PRELID2: variants seen among roughly 807,000 people sequenced by gnomAD.
The protein encoded by PRELID2 is PRELI domain-containing protein 2.
PRELID2 carries 25 observed loss-of-function variants against 28.4 expected under a neutral mutation model. The ratio of observed to expected loss-of-function variants is 0.88; its 90% CI spans 0.64 to 1.23. The LOEUF is 1.23. Among genes scored for constraint, PRELID2 ranks in the 50% most tolerant of loss-of-function variants. The pLI is 0.00. For missense variants in PRELID2, 201 were observed against 214.4 expected, an observed-to-expected ratio of 0.94 and a Z score of 0.39; for synonymous variants, 76 against 71.6, an observed-to-expected ratio of 1.06 and a Z score of -0.31.
At chr5:145,401,167 AC>A in the PRELID2 span, among the ~76,000 whole-genome samples, 1 of 152,122 alleles carries the variant, frequency 6.6e-6, no homozygotes, top group Non-Finnish European at 1.5e-5. Flanking sequence ...AATTTCAAGG[AC>A]CTAAAAATGT....
intron 1 of PRELID2, among the ~76,000 whole-genome samples, chr5:145,572,571 A>G (rs1259867293): frequency 1.3e-5 from 2 of 152,188 alleles, no homozygotes; most frequent in Non-Finnish European, 2.9e-5. Flanking sequence ...GACATTTTTA[A>G]TTGATACAAA....
At chr5:145,548,712 T>G (rs1752807675) in intron 1 of PRELID2, among the ~76,000 whole-genome samples, 1 of 152,198 alleles carries the variant, frequency 6.6e-6, no homozygotes, top group African/African-American at 2.4e-5. Context: ...TGATTGCATC[T>G]GAGCTCTTGC....
At chr5:145,233,017 A>G in the PRELID2 span, among the ~76,000 whole-genome samples, 1 of 151,888 alleles carries the variant, frequency 6.6e-6, no homozygotes, top group Non-Finnish European at 1.5e-5. Context: ...ATATACATAT[A>G]TAGATATTTA....
chr5:145,596,042 G>A (rs763164482), intron 1 of PRELID2, among the ~76,000 whole-genome samples: 2 of 143,708 alleles, frequency 1.4e-5, no homozygotes, highest in Non-Finnish European at 3.0e-5. Context: ...GCAGTGAGCC[G>A]AGGTGGCACC....
the PRELID2 span, among the ~76,000 whole-genome samples, chr5:145,276,435 G>T: frequency 6.6e-6 from 1 of 152,042 alleles, no homozygotes; most frequent in Non-Finnish European, 1.5e-5. Flanking sequence ...GAAAGCAATT[G>T]CCTCCAAATG....
At chr5:145,265,232 A>C in the PRELID2 span, among the ~76,000 whole-genome samples, 2 of 152,046 alleles carry the variant, frequency 1.3e-5, no homozygotes, top group East Asian at 3.9e-4. Flanking sequence ...AATAAAATAA[A>C]ATAAAATACT....
At chr5:145,691,149 A>G (rs1291929215) in intron 1 of PRELID2, among the ~76,000 whole-genome samples, 1 of 152,128 alleles carries the variant, frequency 6.6e-6, no homozygotes, top group East Asian at 1.9e-4. Context: ...AGTTCTTTAC[A>G]TGTTTTTAGC....
chr5:145,498,875 G>C (rs943274426), intron 1 of PRELID2, among the ~76,000 whole-genome samples: 1 of 151,330 alleles, frequency 6.6e-6, no homozygotes, highest in African/African-American at 2.4e-5. Context: ...ACCACACCCG[G>C]CCTGAGAACT....
At chr5:145,265,734 G>A in the PRELID2 span, among the ~76,000 whole-genome samples, 4 of 152,244 alleles carry the variant, frequency 2.6e-5, no homozygotes, top group Non-Finnish European at 2.9e-5. Context: ...TCAACAAATG[G>A]TGCTGGGATA....
intron 5 of PRELID2, among the ~76,000 whole-genome samples, chr5:145,789,030 T>G (rs748193013): frequency 6.6e-6 from 1 of 152,194 alleles, no homozygotes; most frequent in Non-Finnish European, 1.5e-5. Flanking sequence ...CATCCCATGA[T>G]CATAGCTTGA....
chr5:145,399,645 C>T, the PRELID2 span, among the ~76,000 whole-genome samples: 2 of 151,948 alleles, frequency 1.3e-5, no homozygotes, highest in Non-Finnish European at 2.9e-5. Flanking sequence ...CCCTCTCATC[C>T]CCTCATCTCC....
At chr5:145,702,594 G>C (rs1251762928) in intron 1 of PRELID2, among the ~76,000 whole-genome samples, 1 of 152,160 alleles carries the variant, frequency 6.6e-6, no homozygotes, top group Admixed American at 6.5e-5. Context: ...AAGAGGTAAA[G>C]CAATTCAATG....
Position 145,807,454 on chromosome 5 carries a change from A to G in PRELID2, c.368+10440T>C, listed in dbSNP as rs569476360. On this transcript the variant is annotated intron_variant, in intron 4 of 6. Transcript: ENST00000683046. ...AACTTACATTTATTCGGTGCTTCAT[A>G]AATGCGCAGAGCATGTCTATTTTTT... 3.3e-5 allele frequency among the ~76,000 whole-genome samples: 5 copies of G among 152,270 alleles called. No individual in the cohort carries two copies. The South Asian group carries it at 1.0e-3, about 32-fold the overall frequency.
chr5:145,375,302 A>C, the PRELID2 span, among the ~76,000 whole-genome samples: 1 of 152,064 alleles, frequency 6.6e-6, no homozygotes, highest in African/African-American at 2.4e-5. Flanking sequence ...CTGCATCTGA[A>C]AATGTCACTC....
At chr5:145,521,068 C>T (rs895569411) in intron 1 of PRELID2, among the ~76,000 whole-genome samples, 27 of 152,042 alleles carry the variant, frequency 1.8e-4, no homozygotes, top group African/African-American at 4.8e-4. Context: ...AACAAATCTA[C>T]GGCTTTCATG....
chr5:145,726,800 T>C (rs1192263679), intron 1 of PRELID2, among the ~76,000 whole-genome samples: 1 of 152,238 alleles, frequency 6.6e-6, no homozygotes, highest in East Asian at 1.9e-4. Flanking sequence ...AGCATGTCTA[T>C]TAACTTTTCA....
the PRELID2 span, among the ~76,000 whole-genome samples, chr5:145,415,596 C>T: frequency 2.0e-5 from 3 of 150,680 alleles, no homozygotes; most frequent in South Asian, 4.2e-4. Context: ...CATGTCCCTA[C>T]AAAGGACATG....
At chr5:145,732,185 A>G (rs183605985) in intron 1 of PRELID2, among the ~76,000 whole-genome samples, 2 of 152,354 alleles carry the variant, frequency 1.3e-5, no homozygotes, top group Admixed American at 1.3e-4. Context: ...ACTGATTAGG[A>G]ACACATTTTG....
intron 5 of PRELID2, among the ~76,000 whole-genome samples, chr5:145,779,409 G>A (rs1581185902): frequency 1.3e-5 from 2 of 152,014 alleles, no homozygotes; most frequent in South Asian, 4.2e-4. Flanking sequence ...GGTAAAAGTG[G>A]AAATAACCTG....
Sources: allele counts gnomAD v4.1 joint callset (sites outside exome capture counted in the v4.1 genomes callset), GRCh38; gene constraint gnomAD v4.1.1; transcripts MANE v1.5; gene names NCBI Gene and HGNC (gene_info 2026-07-23, HGNC 2026-07-21).